The following NFIA variants were observed in gnomAD, a reference collection of about 807,000 sequenced individuals.
NFIA encodes the protein nuclear factor I A.
In NFIA, 8 loss-of-function variants were observed where a neutral mutation model predicts 62.8. The ratio of observed to expected loss-of-function variants is 0.13; its 90% CI spans 0.07 to 0.23. The LOEUF is 0.23. Ranked by LOEUF, NFIA falls within the 10% of genes least tolerant of loss-of-function variation. NFIA has a pLI of 1.00. For missense variants in NFIA, 410 were observed against 642.1 expected, an observed-to-expected ratio of 0.64 and a Z score of 3.91; for synonymous variants, 235 against 238.1, an observed-to-expected ratio of 0.99 and a Z score of 0.12.
intron 2 of NFIA, among the ~76,000 whole-genome samples, chr1:61,194,614 A>G (rs1282163485): frequency 6.6e-6 from 1 of 152,210 alleles, no homozygotes; most frequent in Non-Finnish European, 1.5e-5. Flanking sequence ...TAGGTTATAG[A>G]GATAAAGAAT....
chr1:61,437,581 A>T (rs1667385749), intron 10 of NFIA, among the ~76,000 whole-genome samples: 1 of 152,188 alleles, frequency 6.6e-6, no homozygotes, highest in Non-Finnish European at 1.5e-5. Flanking sequence ...GATGTACATT[A>T]TTCAATCCCT....
At chr1:61,306,261 ATTTTGTTCTTTTTTTTTT>A (rs1479051103) in intron 3 of NFIA, among the ~76,000 whole-genome samples, 13 of 73,338 alleles carry the variant, frequency 1.8e-4, no homozygotes, top group African/African-American at 4.9e-4. Context: ...GGAGACCCAG[ATTTTGTTCTTTTTTTTTT>A]TTTTTTTTTT....
rs901445492 is a variant in NFIA, at chr1:61,456,589, A to T, written c.*1269A>T. The T allele has an allele frequency of 1.3e-5, 2 of 151,510 alleles. No homozygotes were observed. Among genetic ancestry groups the T allele is most frequent in the African/African-American group, 4.8e-5 (2 of 41,330 alleles). 9.4% of individuals were successfully genotyped at this position (151,510 alleles called of 1,614,324 possible). A position where few individuals can be genotyped will look rare whatever the true frequency, so the allele number is the denominator to read the frequency against. ...GGCATCATAGGATTTATCAGTTATC[A>T]GACACCTCATTGTACCAGAGATTGT... On this transcript the variant is annotated 3_prime_UTR_variant, in exon 11 of 11. Coordinates refer to ENST00000403491, the MANE Select transcript of NFIA (RefSeq NM_001134673.4).
intron 3 of NFIA, among the ~76,000 whole-genome samples, chr1:61,310,210 T>A (rs906617671): frequency 7.9e-5 from 12 of 152,260 alleles, no homozygotes; most frequent in Admixed American, 2.0e-4. Flanking sequence ...GCTGTGTATA[T>A]GTGATATCAA....
At chr1:61,111,696 T>A (rs909157924) in intron 2 of NFIA, among the ~76,000 whole-genome samples, 6 of 152,122 alleles carry the variant, frequency 3.9e-5, no homozygotes, top group Non-Finnish European at 8.8e-5. Context: ...GTGTGTAGCA[T>A]TTATCAAAAC....
chr1:61,117,053 A>T (rs1035112984), intron 2 of NFIA, among the ~76,000 whole-genome samples: 1 of 152,196 alleles, frequency 6.6e-6, no homozygotes, highest in African/African-American at 2.4e-5. Context: ...AGAGGAAGGT[A>T]TTAGAAGCAT....
chr1:61,315,851 A>C (rs1660339263), intron 3 of NFIA, among the ~76,000 whole-genome samples: 1 of 152,214 alleles, frequency 6.6e-6, no homozygotes, highest in African/African-American at 2.4e-5. Context: ...AACAGAATGC[A>C]TATTTATTTT....
In NFIA at chr1:61,455,801, T is replaced by C. The variant is rs1351775416; in HGVS notation, c.*481T>C. 4 of 164,834 alleles carry C rather than the reference T, an allele frequency of 2.4e-5. No homozygotes were observed. 10.2% of individuals were successfully genotyped at this position (164,834 alleles called of 1,614,324 possible). On this transcript the variant is annotated 3_prime_UTR_variant, in exon 11 of 11. Transcript: ENST00000403491. ...CTTTTGTAGTAGCTGAGATCTGCAATATATAACGGGACAGTCAAAGGGCAA... is the reference window on the plus strand; with the variant it reads ...CTTTTGTAGTAGCTGAGATCTGCAACATATAACGGGACAGTCAAAGGGCAA...
At chr1:61,446,799 A>G (rs1667831103) in intron 10 of NFIA, among the ~76,000 whole-genome samples, 1 of 152,182 alleles carries the variant, frequency 6.6e-6, no homozygotes, top group African/African-American at 2.4e-5. Context: ...AATCCACACT[A>G]AGGTCTCCTT....
At chr1:61,409,658 G>A (rs1666008264) in intron 9 of NFIA, among the ~76,000 whole-genome samples, 1 of 152,174 alleles carries the variant, frequency 6.6e-6, no homozygotes, top group South Asian at 2.1e-4. Flanking sequence ...TCCTAACACT[G>A]AACCCCCAAT....
intron 6 of NFIA, among the ~76,000 whole-genome samples, chr1:61,377,054 TA>T (rs532866085): frequency 7.1e-4 from 103 of 144,922 alleles, no homozygotes; most frequent in Non-Finnish European, 7.3e-4. Flanking sequence ...CTGTATCTAC[TA>T]AAAAAAAAAA....
intron 2 of NFIA, among the ~76,000 whole-genome samples, chr1:61,256,415 G>A (rs1656400346): frequency 7.0e-6 from 1 of 142,516 alleles, no homozygotes. Context: ...CAGCCTGGGT[G>A]AGAAAGTGAG....
chr1:61,103,418 C>T (rs1316114587), intron 2 of NFIA, among the ~76,000 whole-genome samples: 1 of 152,188 alleles, frequency 6.6e-6, no homozygotes, highest in Non-Finnish European at 1.5e-5. Flanking sequence ...GACTGCTTCC[C>T]TGCCTGCCCA....
At chr1:61,201,617 A>G (rs911037689) in intron 2 of NFIA, among the ~76,000 whole-genome samples, 2 of 152,108 alleles carry the variant, frequency 1.3e-5, no homozygotes, top group African/African-American at 4.8e-5. Context: ...TTGTGGAGAA[A>G]ATATTAGGTT....
chr1:61,310,626 C>T (rs1660048949), intron 3 of NFIA, among the ~76,000 whole-genome samples: 1 of 152,154 alleles, frequency 6.6e-6, no homozygotes, highest in African/African-American at 2.4e-5. Context: ...CTGCCTGGTT[C>T]TTCAGCCTCA....
rs142142237 is a variant in NFIA at position 61,309,148 on chromosome 1, T to A, written c.626-23364T>A. Among the ~76,000 whole-genome samples, 1,101 of 152,280 alleles carry A rather than the reference T, an allele frequency of 7.2e-3. 8 individuals are homozygous for A. The highest frequency in any genetic ancestry group is 0.013 in the East Asian group (69 of 5,172). On this transcript the variant is annotated intron_variant, in intron 3 of 10. Transcript: ENST00000403491. ...CCTTACAAAGCCTTTCCTTCTTTCG[T>A]CTGAGCTCTAACACTTTGTACGTTG...
chr1:61,245,116 T>C (rs557285348), intron 2 of NFIA, among the ~76,000 whole-genome samples: 1 of 152,308 alleles, frequency 6.6e-6, no homozygotes, highest in Non-Finnish European at 1.5e-5. Flanking sequence ...TGGCATTTCA[T>C]GCATTAGTAT....
At chr1:61,082,185 T>C (rs1233553539), upstream of NFIA, 1 of 105,904 alleles carries the variant, frequency 9.4e-6, no homozygotes, top group Non-Finnish European at 1.7e-5. Context: ...TACCCAGTAA[T>C]GCGCTGATCG....
chr1:61,158,668 A>G (rs1457205568), intron 2 of NFIA, among the ~76,000 whole-genome samples: 1 of 152,206 alleles, frequency 6.6e-6, no homozygotes, highest in Non-Finnish European at 1.5e-5. Flanking sequence ...ATGTTTCAAA[A>G]CTGTGGTCTT....
Sources: allele counts gnomAD v4.1 joint callset (sites outside exome capture counted in the v4.1 genomes callset), GRCh38; gene constraint gnomAD v4.1.1; transcripts MANE v1.5; gene names NCBI Gene and HGNC (gene_info 2026-07-23, HGNC 2026-07-21).